STYXL2: variants seen among roughly 807,000 people sequenced by gnomAD.
STYXL2 encodes the protein serine/threonine/tyrosine interacting like 2.
A neutral mutation model predicts 52.4 loss-of-function variants in STYXL2; 44 were observed. The ratio of observed to expected loss-of-function variants is 0.84; its 90% CI spans 0.66 to 1.08. The LOEUF is 1.08. Among genes scored for constraint, STYXL2 ranks in the 50% least tolerant of loss-of-function variants. STYXL2 has a pLI of 0.00. For missense variants in STYXL2, 1,604 were observed against 1,471.7 expected (o/e 1.09, Z -1.47); for synonymous variants, 604 against 586.9 (o/e 1.03, Z -0.42).
In STYXL2 at chr1:167,126,719, T is replaced by TTCTACAAC. The variant is rs771141649; in HGVS notation, c.1590_1597dup (p.Phe533SerfsTer47). ...CAGCGTGGGCTCTGAGGCCAGTTCC[T>TTCTACAAC]TCTACAACTTCTGCAGCAGGAACAA... On this transcript the variant is annotated frameshift_variant, in exon 6 of 6. Transcript: ENST00000361200. LOFTEE classifies it low-confidence loss of function (END_TRUNC). The TTCTACAAC allele has an allele frequency of 6.2e-7, 1 of 1,614,166 alleles. No individual in the cohort carries two copies. Among genetic ancestry groups the TTCTACAAC allele is most frequent in the Non-Finnish European group, 8.5e-7 (1 of 1,180,026 alleles).
At chr1:167,123,780 C>T (rs536194024) in intron 5 of STYXL2, among the ~76,000 whole-genome samples, 12 of 152,228 alleles carry the variant, frequency 7.9e-5, no homozygotes, top group African/African-American at 2.2e-4. Context: ...CTCTCCACCA[C>T]GCCCAGCTAA....
At chr1:167,095,888 G>C (rs1667276145) in intron 2 of STYXL2, among the ~76,000 whole-genome samples, 1 of 152,130 alleles carries the variant, frequency 6.6e-6, no homozygotes, top group Non-Finnish European at 1.5e-5. Flanking sequence ...GCTGGCTCCT[G>C]CTTCCTGTGT....
chr1:167,094,913 G>A lies in STYXL2; in HGVS notation c.64G>A (p.Val22Met), dbSNP rs768406505. 34 of 1,612,372 alleles carry A rather than the reference G, an allele frequency of 2.1e-5. No homozygotes were observed. The highest frequency in any genetic ancestry group is 3.3e-4 in the Middle Eastern group (2 of 6,058). ...VVPSEEDEANVRAVQAHYLRS... is the reference protein window; with the variant it reads ...VVPSEEDEANMRAVQAHYLRS... ...CCCAAGCGAGGAGGACGAAGCCAACGTGAGGGCGGTGCAGGCCCACTACCT... is the reference window on the plus strand; with the variant it reads ...CCCAAGCGAGGAGGACGAAGCCAACATGAGGGCGGTGCAGGCCCACTACCT... The change falls in exon 2 of 6, where the codon GTG becomes ATG. Residue 22 changes from valine (V) to methionine (M), a missense_variant. By Grantham distance (21) the Val-to-Met change is conservative. Coordinates refer to ENST00000361200, the MANE Select transcript of STYXL2 (RefSeq NM_001080426.3).
At chr1:167,103,560 A>T (rs1282748994) in intron 2 of STYXL2, among the ~76,000 whole-genome samples, 4 of 152,030 alleles carry the variant, frequency 2.6e-5, no homozygotes, top group African/African-American at 7.3e-5. Context: ...TAGAAAATGG[A>T]TGGGGTATCA....
chr1:167,116,651 G>GTTTTTTTTTTTTTTTTTTTTTTTTTGTTT (rs57553225), intron 3 of STYXL2, among the ~76,000 whole-genome samples: 1 of 113,762 alleles, frequency 8.8e-6, no homozygotes, highest in African/African-American at 3.6e-5. Flanking sequence ...TTTTTTTTTG[G>GTTTTTTTTTTTTTTTTTTTTTTTTTGTTT]TTTTTTTTTT....
At chr1:167,112,124 T>C (rs1217658214) in intron 2 of STYXL2, among the ~76,000 whole-genome samples, 2 of 152,138 alleles carry the variant, frequency 1.3e-5, no homozygotes, top group African/African-American at 4.8e-5. Flanking sequence ...CAGTCATACA[T>C]ATTTGAAAAT....
Position 167,113,584 on chromosome 1 carries a change from G to C in STYXL2, c.111-126G>C. 3 of 736,178 alleles carry C rather than the reference G, an allele frequency of 4.1e-6. No homozygotes were observed. The East Asian group carries it at 7.5e-5, about 18-fold the overall frequency. The allele number at this position is 736,178 out of a possible 1,614,324, so 45.6% of individuals were successfully genotyped here. On this transcript the variant is annotated intron_variant, in intron 2 of 5. Coordinates refer to ENST00000361200, the MANE Select transcript of STYXL2 (RefSeq NM_001080426.3). ...ATTCTTGGGTCCTTAAACTTAGGAA[G>C]GCTTTGCCTTGATCACTCGTTGTTC...
In STYXL2 at chr1:167,125,869, G is replaced by T; in HGVS notation, c.738G>T (p.Met246Ile). The change falls in exon 6 of 6, where the codon ATG becomes ATT. Residue 246 changes from methionine to isoleucine, a missense_variant. Coordinates refer to ENST00000361200, the MANE Select transcript of STYXL2 (RefSeq NM_001080426.3). ...VVAYLMIFHN[M>I]AILEALMTVR... ...CCTACCTGATGATCTTCCACAACAT[G>T]GCCATCCTGGAGGCTTTGATGACCG... The T allele has an allele frequency of 6.2e-7, 1 of 1,614,054 alleles. No homozygotes were observed. The highest frequency in any genetic ancestry group is 8.5e-7 in the Non-Finnish European group (1 of 1,179,996).
Position 167,117,445 on chromosome 1 carries a change from G to A in STYXL2, c.323G>A (p.Ser108Asn), listed in dbSNP as rs1479427544. The A allele has an allele frequency of 1.9e-6, 3 of 1,612,700 alleles. No individual in the cohort carries two copies. Among genetic ancestry groups the A allele is most frequent in the East Asian group, 2.2e-5 (1 of 44,842 alleles). The change falls in exon 4 of 6, where the codon AGC becomes AAC. Residue 108 changes from serine to asparagine, a missense_variant. Coordinates refer to ENST00000361200, the MANE Select transcript of STYXL2 (RefSeq NM_001080426.3). Reference protein sequence around the residue: ...NRVREKMDDTSLYNTPCVLDL... With the variant: ...NRVREKMDDTNLYNTPCVLDL... ...GTCAGGGAGAAGATGGATGACACCAGCCTCTATAATACGCCCTGTGTCCTG... is the reference window on the plus strand; with the variant it reads ...GTCAGGGAGAAGATGGATGACACCAACCTCTATAATACGCCCTGTGTCCTG...
intron 2 of STYXL2, among the ~76,000 whole-genome samples, chr1:167,103,064 T>C (rs1667434829): frequency 6.7e-6 from 1 of 149,916 alleles, no homozygotes; most frequent in Admixed American, 6.7e-5. Flanking sequence ...TCCTTGTCTC[T>C]TGCTCGTTTC....
At chr1:167,097,854 G>A (rs956801095) in intron 2 of STYXL2, among the ~76,000 whole-genome samples, 7 of 152,030 alleles carry the variant, frequency 4.6e-5, no homozygotes, top group East Asian at 1.9e-4. Flanking sequence ...CTGTTTACAA[G>A]AGACACACCT....
chr1:167,117,659 C>A, intron 4 of STYXL2, 100 bp downstream of exon 4: 3 of 1,078,100 alleles, frequency 2.8e-6, no homozygotes, highest in Non-Finnish European at 4.0e-6. Context: ...GCCCATAGGT[C>A]CATCCAGCAC....
intron 1 of STYXL2, among the ~76,000 whole-genome samples, 191 bp from the exon 2 acceptor site, chr1:167,094,643 G>GGGGTGCACTTCT (rs1553246552): frequency 1.3e-5 from 2 of 152,028 alleles, no homozygotes; most frequent in Non-Finnish European, 2.9e-5. Context: ...CTAATATGGC[G>GGGGTGCACTTCT]GGGTGCACTT....
intron 4 of STYXL2, among the ~76,000 whole-genome samples, chr1:167,118,132 T>G (rs570866431): frequency 6.6e-6 from 1 of 152,330 alleles, no homozygotes; most frequent in South Asian, 2.1e-4. Context: ...GTTTTTATTT[T>G]CTTCTTTAGA....
intron 3 of STYXL2, among the ~76,000 whole-genome samples, chr1:167,117,114 T>C (rs985878869): frequency 1.3e-5 from 2 of 152,220 alleles, no homozygotes; most frequent in Non-Finnish European, 2.9e-5. Flanking sequence ...TACCCACATC[T>C]ATACAGTCTT....
chr1:167,117,325 T>G lies in STYXL2; in HGVS notation c.206-3T>G. Reference sequence around the variant, plus strand: ...TGATGAGAATGCTGCCTGTCTCCTCTAGAACTCAAGCCACCGGGGGTCAGA... The same window carrying G: ...TGATGAGAATGCTGCCTGTCTCCTCGAGAACTCAAGCCACCGGGGGTCAGA... On this transcript the variant is annotated splice_region_variant and splice_polypyrimidine_tract_variant and intron_variant, in intron 3 of 5. Coordinates refer to ENST00000361200, the MANE Select transcript of STYXL2 (RefSeq NM_001080426.3). 6.2e-7 allele frequency: 1 copy of G among 1,602,760 alleles called. No homozygotes were observed. Among genetic ancestry groups the G allele is most frequent in the Non-Finnish European group, 8.5e-7 (1 of 1,174,812 alleles).
Position 167,120,889 on chromosome 1 carries a change from G to C in STYXL2, c.655+1423G>C, listed in dbSNP as rs796878952. Reference sequence around the variant, plus strand: ...ATATATATATATATATATATATACAGAGAGAGAGAGAGGTATGTATGTGTA... The same window carrying C: ...ATATATATATATATATATATATACACAGAGAGAGAGAGGTATGTATGTGTA... On this transcript the variant is annotated intron_variant, in intron 5 of 5. Coordinates refer to ENST00000361200, the MANE Select transcript of STYXL2 (RefSeq NM_001080426.3). Among the ~76,000 whole-genome samples, 746 of 83,610 alleles carry C rather than the reference G, an allele frequency of 8.9e-3. 30 individuals carry two copies. Among genetic ancestry groups the C allele is most frequent in the African/African-American group, 0.027 (702 of 25,626 alleles). The allele number at this position is 83,610 out of a possible 152,430, so 54.9% of individuals were successfully genotyped here. A position where few individuals can be genotyped will look rare whatever the true frequency, so the allele number is the denominator to read the frequency against.
rs374471602 is a variant in STYXL2, at chr1:167,122,802, A to G, written c.656-2985A>G. ...GGCCTCAGCCTCCTGAGTAGCTGCA[A>G]TTCCAGGCACGCACCACTACTGCTC... is the stretch of plus-strand genomic sequence containing the variant. On this transcript the variant is annotated intron_variant, in intron 5 of 5. Transcript: ENST00000361200. Among the ~76,000 whole-genome samples, 22 of 152,196 alleles carry G rather than the reference A, an allele frequency of 1.4e-4. No individual in the cohort carries two copies. The South Asian group carries it at 4.6e-3, about 32-fold the overall frequency.
At position 167,126,674 on chromosome 1, in the gene STYXL2, G is replaced by A; in HGVS notation, c.1543G>A (p.Val515Met). 6.2e-7 allele frequency: 1 copy of A among 1,614,204 alleles called. No homozygotes were observed. The highest frequency in any genetic ancestry group is 1.1e-5 in the South Asian group (1 of 91,084). ...ADRSSEAGSR[V>M]REDDEDSVGS... The stretch of plus-strand genomic sequence containing the variant: ...CAGGAGCTCAGAAGCAGGGAGCAGG[G>A]TGCGGGAGGATGATGAGGACAGCGT... The change falls in exon 6 of 6, where the codon GTG becomes ATG. Residue 515 changes from valine (V) to methionine (M), a missense_variant. Physicochemically the swap from Val to Met is conservative, Grantham distance 21. Coordinates refer to ENST00000361200, the MANE Select transcript of STYXL2 (RefSeq NM_001080426.3).
Sources: gnomAD v4.1 joint callset for allele counts (sites outside exome capture counted in the v4.1 genomes callset) on GRCh38, gnomAD v4.1.1 for gene constraint, MANE v1.5 for transcripts, NCBI Gene and HGNC (gene_info 2026-07-23, HGNC 2026-07-21) for gene names.